Variants in PPP2R2B observed in about 807,000 individuals in gnomAD.
The protein encoded by PPP2R2B is protein phosphatase 2 regulatory subunit Bbeta.
PPP2R2B carries 5 observed loss-of-function variants against 46.0 expected under a neutral mutation model. The observed-to-expected ratio is 0.11, with a 90% CI of 0.06 to 0.23. The LOEUF (loss-of-function observed/expected upper bound fraction) is 0.23. PPP2R2B is among the 10% of genes least tolerant of loss of function. The pLI is 1.00. For missense variants in PPP2R2B, 367 were observed against 575.0 expected (o/e 0.64, Z 3.70); for synonymous variants, 215 against 206.7 (o/e 1.04, Z -0.34).
chr5:146,887,888 G>A (rs918542865), intron 1 of PPP2R2B, among the ~76,000 whole-genome samples: 1 of 152,210 alleles, frequency 6.6e-6, no homozygotes, highest in African/African-American at 2.4e-5. Context: ...CTGGAGAGTA[G>A]AATGTTGTGG....
At chr5:146,677,434 T>TG (rs751573598) in intron 5 of PPP2R2B, among the ~76,000 whole-genome samples, 4 of 152,128 alleles carry the variant, frequency 2.6e-5, no homozygotes, top group Non-Finnish European at 5.9e-5. Flanking sequence ...CATTTTTTTT[T>TG]GTTTGTTTGT....
chr5:146,924,166 C>T (rs1187290460), intron 1 of PPP2R2B, among the ~76,000 whole-genome samples: 2 of 152,114 alleles, frequency 1.3e-5, no homozygotes, highest in African/African-American at 4.8e-5. Context: ...TACAACAAAT[C>T]CCCATGACAC....
intron 1 of PPP2R2B, among the ~76,000 whole-genome samples, chr5:146,900,863 T>A (rs1762813979): frequency 1.3e-5 from 2 of 151,874 alleles, no homozygotes; most frequent in Admixed American, 6.6e-5. Flanking sequence ...TTCATTTCAT[T>A]CAGCTCCCAC....
intron 2 of PPP2R2B, among the ~76,000 whole-genome samples, chr5:146,818,229 T>G (rs771406042): frequency 2.6e-5 from 4 of 152,168 alleles, no homozygotes; most frequent in Non-Finnish European, 5.9e-5. Flanking sequence ...GAAAGCTGTC[T>G]TGATAGCTGC....
chr5:146,761,138 A>G (rs1402480086), intron 2 of PPP2R2B, among the ~76,000 whole-genome samples: 1 of 152,190 alleles, frequency 6.6e-6, no homozygotes, highest in Non-Finnish European at 1.5e-5. Context: ...TAGAAATACC[A>G]TTTGACCCAG....
At chr5:146,812,805 A>G (rs1237433667) in intron 2 of PPP2R2B, among the ~76,000 whole-genome samples, 5 of 57,146 alleles carry the variant, frequency 8.7e-5, no homozygotes, top group African/African-American at 2.9e-4. Context: ...ATATATATAT[A>G]TATATATATA....
intron 1 of PPP2R2B, among the ~76,000 whole-genome samples, chr5:146,958,849 C>T (rs1176881638): frequency 6.6e-6 from 1 of 152,110 alleles, no homozygotes; most frequent in African/African-American, 2.4e-5. Flanking sequence ...CAATTTAAAC[C>T]TCACAACAAA....
At chr5:146,807,870 G>A (rs1757287463) in intron 2 of PPP2R2B, among the ~76,000 whole-genome samples, 1 of 131,802 alleles carries the variant, frequency 7.6e-6, no homozygotes, top group Admixed American at 9.4e-5. Flanking sequence ...CACGATCTCA[G>A]CTCACTGCAA....
At position 146,823,191 on chromosome 5, in the gene PPP2R2B, ACTT is replaced by A. The variant is rs913057796; in HGVS notation, c.70+54808_70+54810del. 2.1e-4 allele frequency among the ~76,000 whole-genome samples: 32 copies of A among 151,640 alleles called. 1 individual carries two copies. The highest frequency in any genetic ancestry group is 7.2e-4 in the Admixed American group (11 of 15,216). On this transcript the variant is annotated intron_variant, in intron 2 of 9. Transcript: ENST00000394411. ...TGGACTTGCTCTGTGGCCAGAGTTT[ACTT>A]CTTCTTCTTCTTCTTTTTTTTGAGA...
chr5:146,973,430 C>T (rs1259132646), intron 1 of PPP2R2B, among the ~76,000 whole-genome samples: 1 of 152,208 alleles, frequency 6.6e-6, no homozygotes, highest in Non-Finnish European at 1.5e-5. Flanking sequence ...GCACATTGGG[C>T]TACCCTTTCT....
intron 1 of PPP2R2B, among the ~76,000 whole-genome samples, chr5:146,974,124 GTA>G (rs1392763135): frequency 6.6e-6 from 1 of 151,992 alleles, no homozygotes; most frequent in East Asian, 1.9e-4. Context: ...GGGCAAGAAA[GTA>G]TCATTTGAGT....
intron 1 of PPP2R2B, among the ~76,000 whole-genome samples, chr5:146,972,788 T>A (rs1004870931): frequency 2.0e-5 from 3 of 152,178 alleles, no homozygotes; most frequent in Non-Finnish European, 4.4e-5. Flanking sequence ...GGTAAGGATA[T>A]CTTTTCATAA....
chr5:146,832,377 ATCTTTTTTTTTTTT>A (rs1759001539), intron 2 of PPP2R2B, among the ~76,000 whole-genome samples: 2 of 104,298 alleles, frequency 1.9e-5, no homozygotes, highest in African/African-American at 7.3e-5. Flanking sequence ...GCCATTTTTA[ATCTTTTTTTTTTTT>A]TTTTTTTTTT....
chr5:146,967,838 CA>C (rs1209409104), intron 1 of PPP2R2B, among the ~76,000 whole-genome samples: 6 of 152,168 alleles, frequency 3.9e-5, no homozygotes, highest in Non-Finnish European at 8.8e-5. Context: ...CCTAGGGGTA[CA>C]TGGGCCAAAA....
chr5:147,064,407 C>A (rs2151908647), intron 2 of PPP2R2B, among the ~76,000 whole-genome samples: 2 of 152,274 alleles, frequency 1.3e-5, no homozygotes, highest in South Asian at 4.2e-4. Flanking sequence ...CCAGTCAGGA[C>A]AATCCAAAAT....
chr5:146,657,509 C>A (rs1369846054), intron 5 of PPP2R2B, among the ~76,000 whole-genome samples: 1 of 152,176 alleles, frequency 6.6e-6, no homozygotes, highest in East Asian at 1.9e-4. Context: ...TACGTACAAG[C>A]ATAATCAATT....
chr5:146,731,819 G>A (rs1257265498), intron 2 of PPP2R2B, among the ~76,000 whole-genome samples: 1 of 152,164 alleles, frequency 6.6e-6, no homozygotes, highest in African/African-American at 2.4e-5. Context: ...CAAGAATTTG[G>A]ACAGAGTGGG....
At chr5:146,924,871 A>G (rs747519467) in intron 1 of PPP2R2B, among the ~76,000 whole-genome samples, 7 of 151,980 alleles carry the variant, frequency 4.6e-5, no homozygotes, top group African/African-American at 1.7e-4. Context: ...ACATCAACTC[A>G]TCCTTTTTTA....
At chr5:146,882,082 C>T (rs1762184922), upstream of PPP2R2B, among the ~76,000 whole-genome samples, 1 of 151,948 alleles carries the variant, frequency 6.6e-6, no homozygotes, top group African/African-American at 2.4e-5. Context: ...TCGAGGCCAT[C>T]CTGGCTAACA....
Sources: gnomAD v4.1 joint callset for allele counts (sites outside exome capture counted in the v4.1 genomes callset) on GRCh38, gnomAD v4.1.1 for gene constraint, MANE v1.5 for transcripts, NCBI Gene and HGNC (gene_info 2026-07-23, HGNC 2026-07-21) for gene names.